Variants in NVL observed in about 807,000 individuals in gnomAD.
NVL encodes nuclear valosin-containing protein-like.
In NVL, 84 loss-of-function variants were observed where a neutral mutation model predicts 110.2. The observed-to-expected ratio is 0.76, with a 90% CI of 0.64 to 0.91. The LOEUF is 0.91. NVL is among the 40% of genes least tolerant of loss of function. The probability of loss-of-function intolerance (pLI) is 0.00; values close to 1 mark genes in which losing one functional copy is unlikely to be tolerated. For synonymous variants in NVL, 354 were observed against 361.1 expected (o/e 0.98, Z 0.22); for missense variants, 882 against 1,035.9 (o/e 0.85, Z 2.04).
chr1:224,283,633 C>T lies in NVL; in HGVS notation c.1899+2393G>A, dbSNP rs568389982. 1.1e-4 allele frequency among the ~76,000 whole-genome samples: 17 copies of T among 152,314 alleles called. No individual in the cohort carries two copies. The East Asian group carries it at 3.3e-3, about 29-fold the overall frequency. ...CTTTTCAAGTTATCCAAGCTACCTC[C>T]TCTCTGCTGTGAACAGGACTACTCA... On this transcript the variant is annotated intron_variant, in intron 15 of 22. Transcript: ENST00000281701.
At chr1:224,299,823 T>C (rs936367689) in intron 10 of NVL, among the ~76,000 whole-genome samples, 2 of 151,172 alleles carry the variant, frequency 1.3e-5, no homozygotes, top group African/African-American at 4.9e-5. Flanking sequence ...CCCATTCTTG[T>C]TATTTAAAAT....
chr1:224,229,778 C>T (rs1216433285), intron 22 of NVL, among the ~76,000 whole-genome samples: 1 of 152,082 alleles, frequency 6.6e-6, no homozygotes, highest in East Asian at 1.9e-4. Context: ...GGTGGCAATT[C>T]CACTCCTGTG....
intron 21 of NVL, chr1:224,232,799 C>G (rs188173608): frequency 5.7e-4 from 89 of 156,932 alleles, no homozygotes; most frequent in Admixed American, 8.4e-4. Context: ...AAAGGAAAGT[C>G]TCAACATATG....
intron 9 of NVL, chr1:224,301,876 T>A (rs1406929021): frequency 1.2e-5 from 2 of 163,326 alleles, no homozygotes; most frequent in Admixed American, 1.3e-4. Context: ...AAATTTCACT[T>A]CCTCAACCAT....
At chr1:224,310,842 A>G (rs1669447990) in intron 5 of NVL, among the ~76,000 whole-genome samples, 1 of 150,880 alleles carries the variant, frequency 6.6e-6, no homozygotes, top group Non-Finnish European at 1.5e-5. Flanking sequence ...GCGATCCTCC[A>G]GCCTCAGCCT....
intron 19 of NVL, among the ~76,000 whole-genome samples, chr1:224,236,990 A>G (rs1453950993): frequency 6.6e-6 from 1 of 152,226 alleles, no homozygotes; most frequent in African/African-American, 2.4e-5. Context: ...TGACTTCCAG[A>G]CTGGTGCTGT....
chr1:224,247,572 G>A (rs538195867), intron 19 of NVL, among the ~76,000 whole-genome samples: 1 of 152,106 alleles, frequency 6.6e-6, no homozygotes, highest in South Asian at 2.1e-4. Context: ...AGGAGGTTGA[G>A]GCAGGAGAAT....
rs201587242 is a variant in NVL, at chr1:224,294,383, C to A, written c.1209G>T (p.Arg403=). The A allele has an allele frequency of 5.0e-5, 80 of 1,614,008 alleles. No individual in the cohort carries two copies. The South Asian group carries it at 8.6e-4, about 17-fold the overall frequency. Residue 403 remains arginine, a synonymous_variant, in exon 12 of 23, where the codon CGG becomes CGT. Transcript: ENST00000281701. The part of the protein sequence containing the change: ...DDLNNVAATA[R]VLVIGATNRP... ...GATTAGTAGCTCCAATAACTAGGAC[C>A]CGGGCTGTAGCAGCCACATTATTCA...
intron 17 of NVL, among the ~76,000 whole-genome samples, chr1:224,274,772 T>A (rs1171766967): frequency 1.3e-5 from 2 of 152,264 alleles, no homozygotes. Context: ...CAACTGTTTC[T>A]GGTACTCCGT....
intron 12 of NVL, among the ~76,000 whole-genome samples, chr1:224,291,585 T>C (rs1667381820): frequency 2.6e-5 from 4 of 152,192 alleles, no homozygotes; most frequent in African/African-American, 4.8e-5. Flanking sequence ...CTCTGAATAA[T>C]GGGAATCAAG....
At chr1:224,237,648 C>A (rs1234492353) in intron 19 of NVL, among the ~76,000 whole-genome samples, 1 of 151,884 alleles carries the variant, frequency 6.6e-6, no homozygotes, top group Non-Finnish European at 1.5e-5. Flanking sequence ...ACAACCACAA[C>A]AGACTTGACC....
chr1:224,260,448 G>A (rs1217491161), intron 18 of NVL, among the ~76,000 whole-genome samples: 2 of 151,848 alleles, frequency 1.3e-5, no homozygotes, highest in Admixed American at 6.6e-5. Context: ...CAGTAGAGAC[G>A]GGTTTCACCA....
At chr1:224,271,776 G>A (rs1665133148) in intron 17 of NVL, among the ~76,000 whole-genome samples, 1 of 152,148 alleles carries the variant, frequency 6.6e-6, no homozygotes, top group Non-Finnish European at 1.5e-5. Context: ...ACTTTAGGAG[G>A]CCGAGGCGGG....
At chr1:224,318,113 T>TC (rs1023374511) in intron 2 of NVL, among the ~76,000 whole-genome samples, 183 bp from the exon 3 acceptor site, 95 of 874 alleles carry the variant, frequency 0.11, no homozygotes, top group African/African-American at 0.22. Flanking sequence ...TTCTCCATTT[T>TC]CCCCCTTTTT....
intron 19 of NVL, among the ~76,000 whole-genome samples, chr1:224,241,559 C>T (rs1049864619): frequency 6.6e-6 from 1 of 151,814 alleles, no homozygotes; most frequent in Non-Finnish European, 1.5e-5. Context: ...AAAATAGTCT[C>T]TTAAGGAAAT....
In NVL at chr1:224,275,457, T is replaced by TACTAAC; in HGVS notation, c.1963_1964insGTTAGT (p.Met654_Tyr655insCysTer). 1 of 1,613,984 alleles carries TACTAAC rather than the reference T, an allele frequency of 6.2e-7. No individual in the cohort carries two copies. Among genetic ancestry groups the TACTAAC allele is most frequent in the Non-Finnish European group, 8.5e-7 (1 of 1,180,016 alleles). On this transcript the variant is annotated stop_gained and splice_region_variant, in exon 17 of 23. Transcript: ENST00000281701. LOFTEE classifies it high-confidence loss of function. ...CACAGCACGTTCACTCTCACCAACA[T>TACTAAC]ACTAAACATACACAGAAAGGAAATA...
At chr1:224,268,641 T>G (rs1453127911) in intron 17 of NVL, among the ~76,000 whole-genome samples, 1 of 141,026 alleles carries the variant, frequency 7.1e-6, no homozygotes, top group Non-Finnish European at 1.6e-5. Context: ...CCACCAAGAC[T>G]AAGCTTTTTT....
At chr1:224,233,999 G>A (rs907752052) in intron 20 of NVL, among the ~76,000 whole-genome samples, 3 of 151,978 alleles carry the variant, frequency 2.0e-5, no homozygotes, top group Admixed American at 6.6e-5. Context: ...AGGCTATAGT[G>A]AGCCTGGGTG....
intron 9 of NVL, among the ~76,000 whole-genome samples, chr1:224,302,676 G>T (rs1410817822): frequency 6.6e-6 from 1 of 152,140 alleles, no homozygotes; most frequent in African/African-American, 2.4e-5. Context: ...ATAAGAACAT[G>T]ACTCTAAATA....
Sources: gnomAD v4.1 joint callset for allele counts (sites outside exome capture counted in the v4.1 genomes callset) on GRCh38, gnomAD v4.1.1 for gene constraint, MANE v1.5 for transcripts, NCBI Gene and HGNC (gene_info 2026-07-23, HGNC 2026-07-21) for gene names.